The following GUCY1A2 variants were observed in gnomAD, a reference collection of about 807,000 sequenced individuals.
GUCY1A2 encodes guanylate cyclase soluble subunit alpha-2.
GUCY1A2 carries 27 observed loss-of-function variants against 63.5 expected under a neutral mutation model. That is an observed-to-expected ratio of 0.43 (90% CI 0.31 to 0.59). GUCY1A2 has a LOEUF of 0.59. Ranked by LOEUF, GUCY1A2 falls within the 20% of genes least tolerant of loss-of-function variation. The probability of loss-of-function intolerance (pLI) is 0.11; values close to 1 mark genes in which losing one functional copy is unlikely to be tolerated. For synonymous variants in GUCY1A2, 364 were observed against 343.5 expected, an observed-to-expected ratio of 1.06 and a Z score of -0.66; for missense variants, 768 against 913.3, an observed-to-expected ratio of 0.84 and a Z score of 2.05.
At chr11:106,889,666 AT>A (rs1336905849) in intron 4 of GUCY1A2, among the ~76,000 whole-genome samples, 1 of 152,146 alleles carries the variant, frequency 6.6e-6, no homozygotes, top group Non-Finnish European at 1.5e-5. Flanking sequence ...CTGCAAAACT[AT>A]TATATGTCTT....
intron 3 of GUCY1A2, among the ~76,000 whole-genome samples, chr11:106,970,987 T>C (rs1372023642): frequency 1.3e-5 from 2 of 152,158 alleles, no homozygotes; most frequent in Admixed American, 6.6e-5. Flanking sequence ...TACTATATGA[T>C]TACATTTATA....
At chr11:106,881,468 C>T (rs1225146362) in intron 4 of GUCY1A2, among the ~76,000 whole-genome samples, 3 of 151,944 alleles carry the variant, frequency 2.0e-5, no homozygotes, top group Non-Finnish European at 1.5e-5. Context: ...CAAAACTAGT[C>T]ACTATTAAGT....
intron 7 of GUCY1A2, among the ~76,000 whole-genome samples, chr11:106,702,765 G>A (rs1022098573): frequency 6.6e-6 from 1 of 151,726 alleles, no homozygotes; most frequent in Non-Finnish European, 1.5e-5. Context: ...ATATTTCCAG[G>A]CAGGTTTTAG....
At chr11:106,933,925 GCAA>G (rs975055638) in intron 4 of GUCY1A2, among the ~76,000 whole-genome samples, 2 of 152,062 alleles carry the variant, frequency 1.3e-5, no homozygotes, top group African/African-American at 4.8e-5. Context: ...CATAAAGATG[GCAA>G]CAATAGACAT....
At chr11:106,833,941 T>C (rs2135438651) in intron 4 of GUCY1A2, among the ~76,000 whole-genome samples, 1 of 152,116 alleles carries the variant, frequency 6.6e-6, no homozygotes, top group South Asian at 2.1e-4. Flanking sequence ...TAAGGTACAA[T>C]TGATAAATTA....
Position 106,750,226 on chromosome 11 carries a change from C to CAAAAG in GUCY1A2, c.1836+26208_1836+26212dup, listed in dbSNP as rs551901443. ...AGTGGAAGCAAGTGTCCAAAACAGG[C>CAAAAG]AAAAGAAAAAGAGCCGGCAGATTTA... is the stretch of plus-strand genomic sequence containing the variant. On this transcript the variant is annotated intron_variant, in intron 6 of 7. Transcript: ENST00000526355. Among the ~76,000 whole-genome samples, 769 of 152,102 alleles carry CAAAAG rather than the reference C, an allele frequency of 5.1e-3. 6 individuals carry two copies. The highest frequency in any genetic ancestry group is 0.018 in the African/African-American group (738 of 41,542).
At chr11:106,697,187 T>C (rs908610220) in intron 7 of GUCY1A2, among the ~76,000 whole-genome samples, 3 of 152,224 alleles carry the variant, frequency 2.0e-5, no homozygotes, top group Admixed American at 2.0e-4. Context: ...TGTTGGCTAA[T>C]ATCACAAAAA....
At chr11:106,696,969 G>A (rs1174636511) in intron 7 of GUCY1A2, among the ~76,000 whole-genome samples, 2 of 151,906 alleles carry the variant, frequency 1.3e-5, no homozygotes, top group African/African-American at 4.8e-5. Context: ...TAAATTCTCT[G>A]GTTTCTTAAT....
At chr11:106,737,506 A>C (rs1224216612) in intron 6 of GUCY1A2, among the ~76,000 whole-genome samples, 1 of 152,028 alleles carries the variant, frequency 6.6e-6, no homozygotes. Flanking sequence ...CCATCAACCC[A>C]TCATCTAAAT....
chr11:106,742,076 A>G (rs184377590), intron 6 of GUCY1A2, among the ~76,000 whole-genome samples: 2 of 152,340 alleles, frequency 1.3e-5, no homozygotes, highest in East Asian at 1.9e-4. Flanking sequence ...CTGCCTTTCA[A>G]TTGCATGCCA....
intron 7 of GUCY1A2, among the ~76,000 whole-genome samples, chr11:106,699,683 C>A (rs1040478379): frequency 2.0e-5 from 3 of 152,142 alleles, no homozygotes; most frequent in Admixed American, 6.5e-5. Flanking sequence ...AGAAAAACAG[C>A]AAAACTTTAC....
rs188660167 is a variant in GUCY1A2, at chr11:106,678,822, A to C, written c.*8727T>G. On this transcript the variant is annotated 3_prime_UTR_variant, in exon 8 of 8. Coordinates refer to ENST00000526355, the MANE Select transcript of GUCY1A2 (RefSeq NM_000855.3). ...AAAAGTGTAATATTTTAAGTAAAAT[A>C]ATATTGCCAAATTTGCAAACCCTGG... The C allele has an allele frequency of 8.9e-5, 17 of 192,082 alleles. No homozygotes were observed. The highest frequency in any genetic ancestry group is 1.6e-4 in the Non-Finnish European group (15 of 91,716). The allele number at this position is 192,082 out of a possible 1,614,324, so 11.9% of individuals were successfully genotyped here.
intron 1 of GUCY1A2, among the ~76,000 whole-genome samples, chr11:107,002,459 T>C (rs1029125646): frequency 2.0e-5 from 3 of 152,028 alleles, no homozygotes; most frequent in Non-Finnish European, 4.4e-5. Flanking sequence ...TAACTACATA[T>C]ATATATAAAA....
chr11:106,884,190 G>C (rs1478393003), intron 4 of GUCY1A2, among the ~76,000 whole-genome samples: 2 of 152,170 alleles, frequency 1.3e-5, no homozygotes, highest in African/African-American at 2.4e-5. Flanking sequence ...ACAAAAAAAA[G>C]AAAGGAAGAA....
intron 4 of GUCY1A2, among the ~76,000 whole-genome samples, chr11:106,873,173 T>C (rs952899019): frequency 6.6e-6 from 1 of 152,216 alleles, no homozygotes; most frequent in Admixed American, 6.5e-5. Context: ...CTATCATTGA[T>C]GGGCATTTGG....
intron 3 of GUCY1A2, among the ~76,000 whole-genome samples, chr11:106,948,209 A>C (rs1860856808): frequency 6.6e-6 from 1 of 152,160 alleles, no homozygotes; most frequent in African/African-American, 2.4e-5. Context: ...AAATCACTCA[A>C]TTCTTTTTAT....
chr11:106,757,170 G>A (rs1863989962), intron 6 of GUCY1A2, among the ~76,000 whole-genome samples: 2 of 152,052 alleles, frequency 1.3e-5, no homozygotes, highest in African/African-American at 4.8e-5. Flanking sequence ...ACTTCATGAA[G>A]TTCTTGTGCT....
chr11:106,955,457 T>A (rs1860971421), intron 3 of GUCY1A2, among the ~76,000 whole-genome samples: 1 of 152,224 alleles, frequency 6.6e-6, no homozygotes, highest in Non-Finnish European at 1.5e-5. Flanking sequence ...TTCCTTTCCA[T>A]ATTTAGTGCT....
intron 4 of GUCY1A2, among the ~76,000 whole-genome samples, chr11:106,908,587 G>A (rs1860247094): frequency 6.7e-6 from 1 of 150,334 alleles, no homozygotes; most frequent in Non-Finnish European, 1.5e-5. Context: ...GAGAGAGGAT[G>A]ATAAAGGGTT....
Sources: gnomAD v4.1 joint callset for allele counts (sites outside exome capture counted in the v4.1 genomes callset) on GRCh38, gnomAD v4.1.1 for gene constraint, MANE v1.5 for transcripts, NCBI Gene and HGNC (gene_info 2026-07-23, HGNC 2026-07-21) for gene names.